The following A1CF variants were observed in gnomAD, a reference collection of about 807,000 sequenced individuals.
A1CF encodes APOBEC1 complementation factor.
A1CF carries 48 observed loss-of-function variants against 68.9 expected under a neutral mutation model. The observed-to-expected ratio is 0.70, with a 90% CI of 0.55 to 0.89. The LOEUF (loss-of-function observed/expected upper bound fraction) is 0.89, where lower values mean the gene tolerates loss of function less well. A1CF is among the 40% of genes least tolerant of loss of function. The pLI is 0.00. For synonymous variants in A1CF, 272 were observed against 260.4 expected, an observed-to-expected ratio of 1.04 and a Z score of -0.43; for missense variants, 653 against 718.9, an observed-to-expected ratio of 0.91 and a Z score of 1.05.
At chr10:50,871,767 G>C (rs1449386279) in intron 1 of A1CF, among the ~76,000 whole-genome samples, 1 of 152,064 alleles carries the variant, frequency 6.6e-6, no homozygotes, top group Non-Finnish European at 1.5e-5. Context: ...TAACATGCCA[G>C]CATTCTAAAT....
intron 7 of A1CF, among the ~76,000 whole-genome samples, chr10:50,825,700 CT>C (rs991027328): frequency 8.5e-5 from 13 of 152,238 alleles, no homozygotes; most frequent in African/African-American, 3.1e-4. Context: ...AATCTGATGG[CT>C]TAGAATTGAT....
intron 4 of A1CF, among the ~76,000 whole-genome samples, chr10:50,843,629 A>G (rs983195340): frequency 2.0e-4 from 31 of 152,214 alleles, no homozygotes; most frequent in African/African-American, 7.2e-4. Context: ...TGTACTTTAT[A>G]AAACTGTATT....
intron 1 of A1CF, among the ~76,000 whole-genome samples, chr10:50,880,866 A>G (rs1439174282): frequency 6.6e-6 from 1 of 152,204 alleles, no homozygotes; most frequent in African/African-American, 2.4e-5. Flanking sequence ...TGTTAGTCAC[A>G]GCATCTGGAC....
chr10:50,874,948 G>A lies in A1CF; in HGVS notation c.-94+10633C>T, dbSNP rs114528597. 9.6e-3 allele frequency among the ~76,000 whole-genome samples: 1,463 copies of A among 152,232 alleles called. 33 individuals are homozygous for A. The highest frequency in any genetic ancestry group is 0.033 in the African/African-American group (1,382 of 41,526). The stretch of plus-strand genomic sequence containing the variant: ...TCTGATTCAGCTGGTTTGGAATGGG[G>A]CCCAGGAAATGACAGATTTTAAAGC... On this transcript the variant is annotated intron_variant, in intron 1 of 12. Transcript: ENST00000373997.
intron 3 of A1CF, among the ~76,000 whole-genome samples, chr10:50,852,944 G>A (rs1840316428): frequency 6.6e-6 from 1 of 152,136 alleles, no homozygotes; most frequent in Non-Finnish European, 1.5e-5. Context: ...ACTCTTAGAA[G>A]AGGAACGGTA....
intron 8 of A1CF, among the ~76,000 whole-genome samples, chr10:50,819,402 T>C (rs1838530671): frequency 6.6e-6 from 1 of 152,086 alleles, no homozygotes; most frequent in African/African-American, 2.4e-5. Context: ...AGATTACAGG[T>C]GCGAGCCACT....
Position 50,804,102 on chromosome 10 carries a change from C to T in A1CF, c.*2627G>A, listed in dbSNP as rs781243061. 1.1e-4 allele frequency: 16 copies of T among 152,044 alleles called. No individual in the cohort carries two copies. The highest frequency in any genetic ancestry group is 1.5e-5 in the Non-Finnish European group (1 of 68,000). 9.4% of individuals were successfully genotyped at this position (152,044 alleles called of 1,614,324 possible). On this transcript the variant is annotated 3_prime_UTR_variant, in exon 13 of 13. Transcript: ENST00000373997. Reference sequence around the variant, plus strand: ...GTATTTTAATGGAATTCAAAGTATTCCCTAGATATTACTAAAACAAAGTAA... The same window carrying T: ...GTATTTTAATGGAATTCAAAGTATTTCCTAGATATTACTAAAACAAAGTAA...
intron 1 of A1CF, among the ~76,000 whole-genome samples, chr10:50,872,425 A>G (rs184312463): frequency 6.6e-6 from 1 of 152,278 alleles, no homozygotes; most frequent in East Asian, 1.9e-4. Context: ...AGTGGCAGAC[A>G]GATGATTTGA....
chr10:50,814,137 T>A, intron 9 of A1CF, 99 bp from the exon 10 acceptor site: 1 of 1,379,168 alleles, frequency 7.3e-7, no homozygotes, highest in African/African-American at 1.4e-5. Context: ...AATGGAAAAG[T>A]TAGCCCAATT....
intron 7 of A1CF, among the ~76,000 whole-genome samples, chr10:50,822,192 A>C (rs1838709140): frequency 6.6e-6 from 1 of 152,218 alleles, no homozygotes; most frequent in South Asian, 2.1e-4. Context: ...TGAAAAAGAT[A>C]GTTGTACCGA....
chr10:50,834,014 G>A (rs1157295862), intron 6 of A1CF, among the ~76,000 whole-genome samples: 2 of 152,124 alleles, frequency 1.3e-5, no homozygotes, highest in Admixed American at 6.5e-5. Flanking sequence ...CAGGACTGTG[G>A]GTGGAAGCTT....
chr10:50,851,052 T>C (rs1011509307), intron 3 of A1CF, among the ~76,000 whole-genome samples: 12 of 152,228 alleles, frequency 7.9e-5, no homozygotes, highest in Non-Finnish European at 1.8e-4. Context: ...TATCTTTTCC[T>C]AGTTCAACAT....
chr10:50,836,170 G>A lies in A1CF; in HGVS notation c.508C>T (p.Pro170Ser). ...TTTTTGGTTTTATCTGCAGCGCTTG[G>A]GTAGACGATGACATCGACAACACCT... ...TEGVVDVIVY[P>S]SAADKTKNRG... is the part of the protein sequence containing the mutation. Residue 170 changes from proline (P) to serine (S), a missense_variant, in exon 6 of 13, where the codon CCA (proline) becomes TCA (serine). Pro to Ser is a moderately conservative substitution (Grantham distance 74). Coordinates refer to ENST00000373997, the MANE Select transcript of A1CF (RefSeq NM_014576.4). The A allele has an allele frequency of 6.2e-7, 1 of 1,613,908 alleles. No homozygotes were observed. Among genetic ancestry groups the A allele is most frequent in the Non-Finnish European group, 8.5e-7 (1 of 1,179,902 alleles).
chr10:50,868,076 G>A (rs913901934), intron 1 of A1CF, among the ~76,000 whole-genome samples: 2 of 152,130 alleles, frequency 1.3e-5, no homozygotes, highest in African/African-American at 2.4e-5. Flanking sequence ...TTGCCTCTGG[G>A]ACCTCTCCAA....
intron 6 of A1CF, among the ~76,000 whole-genome samples, chr10:50,832,934 A>T (rs910935425): frequency 5.3e-5 from 8 of 152,132 alleles, no homozygotes; most frequent in African/African-American, 1.9e-4. Flanking sequence ...CTAGATGCTT[A>T]ATAAATATTT....
intron 3 of A1CF, among the ~76,000 whole-genome samples, chr10:50,855,429 G>A (rs1227276506): frequency 6.6e-6 from 1 of 151,796 alleles, no homozygotes; most frequent in Non-Finnish European, 1.5e-5. Context: ...GAAGCTTAAA[G>A]TTTAACTTAG....
chr10:50,864,620 T>C (rs924624044), intron 1 of A1CF, among the ~76,000 whole-genome samples: 5 of 152,206 alleles, frequency 3.3e-5, no homozygotes, highest in African/African-American at 1.2e-4. Context: ...TCCCCTCTTT[T>C]CTTTACTTTT....
At chr10:50,869,923 A>T (rs1241330661) in intron 1 of A1CF, among the ~76,000 whole-genome samples, 7 of 151,914 alleles carry the variant, frequency 4.6e-5, no homozygotes, top group African/African-American at 1.7e-4. Context: ...CTCATAATAT[A>T]AAATATAAAA....
intron 6 of A1CF, among the ~76,000 whole-genome samples, chr10:50,831,105 C>A (rs1490190615): frequency 2.0e-5 from 3 of 151,988 alleles, no homozygotes; most frequent in African/African-American, 7.2e-5. Context: ...ACACATAAGC[C>A]AAGTTAAAAT....
Sources: gnomAD v4.1 joint callset for allele counts (sites outside exome capture counted in the v4.1 genomes callset) on GRCh38, gnomAD v4.1.1 for gene constraint, MANE v1.5 for transcripts, NCBI Gene and HGNC (gene_info 2026-07-23, HGNC 2026-07-21) for gene names.